The following DDX4 variants were observed in gnomAD, a reference collection of about 807,000 sequenced individuals.
DDX4 encodes the protein probable ATP-dependent RNA helicase DDX4.
DDX4 carries 25 observed loss-of-function variants against 100.0 expected under a neutral mutation model. The observed-to-expected ratio is 0.25, with a 90% CI of 0.18 to 0.35. DDX4 has a LOEUF of 0.35. DDX4 is among the 10% of genes least tolerant of loss of function. The pLI, the probability that DDX4 is intolerant of heterozygous loss-of-function variation, is 1.00. For synonymous variants in DDX4, 259 were observed against 275.7 expected, an observed-to-expected ratio of 0.94 and a Z score of 0.60; for missense variants, 635 against 882.4, an observed-to-expected ratio of 0.72 and a Z score of 3.55.
intron 3 of DDX4, among the ~76,000 whole-genome samples, chr5:55,756,261 G>T (rs993729086): frequency 6.6e-6 from 1 of 152,122 alleles, no homozygotes; most frequent in South Asian, 2.1e-4. Flanking sequence ...TGTTAGAAAT[G>T]AAGAATCTCA....
chr5:55,753,217 T>G (rs533289130), intron 3 of DDX4, among the ~76,000 whole-genome samples: 2 of 152,326 alleles, frequency 1.3e-5, no homozygotes, highest in Non-Finnish European at 2.9e-5. Flanking sequence ...TTTTGTCTTT[T>G]GTTGCCATTG....
chr5:55,781,786 AAAGTTAAATCT>A, intron 9 of DDX4, 137 bp from the exon 10 acceptor site: 1 of 933,308 alleles, frequency 1.1e-6, no homozygotes, highest in Non-Finnish European at 1.6e-6. Context: ...AAAAAAAAAA[AAAGTTAAATCT>A]AAAATTAAGA....
At chr5:55,809,754 T>C (rs1028628541) in intron 18 of DDX4, among the ~76,000 whole-genome samples, 2 of 152,172 alleles carry the variant, frequency 1.3e-5, no homozygotes, top group African/African-American at 4.8e-5. Context: ...CAGAATGCCA[T>C]GTGTAAGTCT....
Position 55,792,898 on chromosome 5 carries a change from T to C in DDX4, c.1469+91T>C, listed in dbSNP as rs984941491. The C allele has an allele frequency of 3.6e-6, 3 of 824,392 alleles. No homozygotes were observed. In the African/African-American group the frequency reaches 5.4e-5, roughly 15 times the overall value. The allele number at this position is 824,392 out of a possible 1,614,324, so 51.1% of individuals were successfully genotyped here. Reference sequence around the variant, plus strand: ...ACTGTGAATATCCTATTTTTAGAGATTTGTCGTTAAGATTTTAATATAGGT... The same window carrying C: ...ACTGTGAATATCCTATTTTTAGAGACTTGTCGTTAAGATTTTAATATAGGT... On this transcript the variant is annotated intron_variant, in intron 17 of 21. Transcript: ENST00000505374.
rs1741021932 is a variant in DDX4 at position 55,767,882 on chromosome 5, G to A, written c.336G>A (p.Glu112=). The A allele has an allele frequency of 6.2e-6, 10 of 1,613,278 alleles. No homozygotes were observed. Among genetic ancestry groups the A allele is most frequent in the Non-Finnish European group, 8.5e-6 (10 of 1,179,452 alleles). ...EDGDSSGFWR[E]SSNDCEDNPT... ...TTACATGTTAAATTTTTATTGAAGA[G>A]TCTAGTAATGACTGCGAAGATAATC... Residue 112 remains glutamate (E), a splice_region_variant and synonymous_variant, in exon 7 of 22, where the codon GAG becomes GAA. Coordinates refer to ENST00000505374, the MANE Select transcript of DDX4 (RefSeq NM_024415.3).
rs201981066 is a variant in DDX4 at position 55,753,550 on chromosome 5, C to T, written c.128-6650C>T. Reference sequence around the variant, plus strand: ...GTCTATATCTCTGTTTTGGTACCAGCACCATGCTGTTTTGGTTACTGTGGC... The same window carrying T: ...GTCTATATCTCTGTTTTGGTACCAGTACCATGCTGTTTTGGTTACTGTGGC... On this transcript the variant is annotated intron_variant, in intron 3 of 21. Transcript: ENST00000505374. 0.027 allele frequency among the ~76,000 whole-genome samples: 4,047 copies of T among 151,906 alleles called. 291 individuals carry two copies. In the East Asian group the frequency reaches 0.28, roughly 11 times the overall value.
rs1740968550 is a variant in DDX4 at position 55,767,033 on chromosome 5, A to G, written c.335-848A>G. On this transcript the variant is annotated intron_variant, in intron 6 of 21. Transcript: ENST00000505374. The stretch of plus-strand genomic sequence containing the variant: ...ACTATTTTAAAACTCTGGGAATGTT[A>G]CTTACTAATATCAAAAATGGAGAAG... 2.7e-6 allele frequency: 4 copies of G among 1,479,346 alleles called. No individual in the cohort carries two copies. The East Asian group carries it at 7.7e-5, about 29-fold the overall frequency. The allele number at this position is 1,479,346 out of a possible 1,614,324, so 91.6% of individuals were successfully genotyped here.
rs751104455 is a variant in DDX4 at position 55,760,311 on chromosome 5, C to T, written c.205+34C>T. 4 of 1,516,656 alleles carry T rather than the reference C, an allele frequency of 2.6e-6. No homozygotes were observed. In the East Asian group the frequency reaches 7.9e-5, roughly 30 times the overall value. 93.9% of individuals were successfully genotyped at this position (1,516,656 alleles called of 1,614,324 possible). On this transcript the variant is annotated intron_variant, in intron 4 of 21. Transcript: ENST00000505374. Reference sequence around the variant, plus strand: ...CTTTGTCTTTCCTTAATCTCCTGAACTGTTGAATAATTGGATATATAGAGG... The same window carrying T: ...CTTTGTCTTTCCTTAATCTCCTGAATTGTTGAATAATTGGATATATAGAGG...
At chr5:55,799,464 C>G (rs1000868448) in intron 18 of DDX4, among the ~76,000 whole-genome samples, 3 of 152,178 alleles carry the variant, frequency 2.0e-5, no homozygotes, top group African/African-American at 7.2e-5. Flanking sequence ...CAGCCTCAAG[C>G]TCCCAGGCTC....
intron 10 of DDX4, 66 bp from the exon 11 acceptor site, chr5:55,785,231 A>G: frequency 9.2e-7 from 1 of 1,087,174 alleles, no homozygotes. Flanking sequence ...GAAGACAAGC[A>G]ACGAAAATAA....
At chr5:55,765,915 C>T (rs1298993123) in intron 6 of DDX4, among the ~76,000 whole-genome samples, 1 of 152,074 alleles carries the variant, frequency 6.6e-6, no homozygotes, top group Non-Finnish European at 1.5e-5. Context: ...AGTGATTCTC[C>T]TGCCTCAGCC....
At chr5:55,738,338 A>G (rs1758801363) in intron 1 of DDX4, 2 of 152,972 alleles carry the variant, frequency 1.3e-5, no homozygotes, top group Non-Finnish European at 2.9e-5. Flanking sequence ...CTGAACAGAC[A>G]TGGTCCGAGT....
chr5:55,757,878 T>C (rs1289492030), intron 3 of DDX4, among the ~76,000 whole-genome samples: 1 of 152,070 alleles, frequency 6.6e-6, no homozygotes, highest in Non-Finnish European at 1.5e-5. Flanking sequence ...ACCCTGTCTC[T>C]ACAAAAAAAT....
At chr5:55,776,805 CAAG>C (rs1238861881) in intron 7 of DDX4, among the ~76,000 whole-genome samples, 2 of 151,694 alleles carry the variant, frequency 1.3e-5, no homozygotes, top group African/African-American at 2.4e-5. Context: ...GCATAGGAAA[CAAG>C]AAGCAATGAG....
chr5:55,774,908 T>A lies in DDX4; in HGVS notation c.395-5056T>A, dbSNP rs79991545. 2.6e-3 allele frequency among the ~76,000 whole-genome samples: 398 copies of A among 152,312 alleles called. 3 individuals carry two copies. Among genetic ancestry groups the A allele is most frequent in the African/African-American group, 9.2e-3 (383 of 41,564 alleles). ...TGGTAAGATCTCTATAACATAAAAT[T>A]CCCATATTAACTATTCTTAAGTGTA... is the stretch of plus-strand genomic sequence containing the variant. On this transcript the variant is annotated intron_variant, in intron 7 of 21. Coordinates refer to ENST00000505374, the MANE Select transcript of DDX4 (RefSeq NM_024415.3).
In DDX4 at chr5:55,798,453, T is replaced by G. The variant is rs1235078021; in HGVS notation, c.1497T>G (p.Asn499Lys). 1 of 1,612,410 alleles carries G rather than the reference T, an allele frequency of 6.2e-7. No homozygotes were observed. Among genetic ancestry groups the G allele is most frequent in the Non-Finnish European group, 8.5e-7 (1 of 1,179,254 alleles). ...TGGCTGCAGAGTTTTTAAAGTCAAA[T>G]TATCTGTTTGTTGCTGTTGGACAAG... Reference protein sequence around the residue: ...QRLAAEFLKSNYLFVAVGQVG... With the variant: ...QRLAAEFLKSKYLFVAVGQVG... The change falls in exon 18 of 22, where the codon AAT becomes AAG. Residue 499 changes from asparagine (N) to lysine (K), a missense_variant. By Grantham distance (94) the Asn-to-Lys change is moderately conservative. Coordinates refer to ENST00000505374, the MANE Select transcript of DDX4 (RefSeq NM_024415.3).
chr5:55,813,065 G>A (rs78345808), intron 18 of DDX4, among the ~76,000 whole-genome samples: 3,987 of 152,094 alleles, frequency 0.026, 75 homozygotes, highest in South Asian at 0.051. Context: ...TCCGGCCCAT[G>A]CTTGAATTTC....
At chr5:55,808,964 C>T (rs1743935336) in intron 18 of DDX4, among the ~76,000 whole-genome samples, 1 of 152,194 alleles carries the variant, frequency 6.6e-6, no homozygotes, top group Non-Finnish European at 1.5e-5. Flanking sequence ...TGGGCTCCAC[C>T]CAGTTCGAGC....
intron 3 of DDX4, among the ~76,000 whole-genome samples, chr5:55,756,266 A>G (rs1759926726): frequency 6.6e-6 from 1 of 152,164 alleles, no homozygotes. Context: ...GAAATGAAGA[A>G]TCTCATACTG....
Sources: gnomAD v4.1 joint callset for allele counts (sites outside exome capture counted in the v4.1 genomes callset) on GRCh38, gnomAD v4.1.1 for gene constraint, MANE v1.5 for transcripts, NCBI Gene and HGNC (gene_info 2026-07-23, HGNC 2026-07-21) for gene names.